The following CDON variants were observed in gnomAD, a reference collection of about 807,000 sequenced individuals.
CDON encodes cell adhesion molecule-related/down-regulated by oncogenes.
CDON carries 73 observed loss-of-function variants against 120.9 expected under a neutral mutation model. That is an observed-to-expected ratio of 0.60 (90% CI 0.50 to 0.73). CDON has a LOEUF of 0.73. Among genes scored for constraint, CDON ranks in the 30% least tolerant of loss-of-function variants. The probability of loss-of-function intolerance (pLI) is 0.00; values close to 1 mark genes in which losing one functional copy is unlikely to be tolerated. For missense variants in CDON, 1,470 were observed against 1,587.3 expected, an observed-to-expected ratio of 0.93 and a Z score of 1.26; for synonymous variants, 566 against 573.5, an observed-to-expected ratio of 0.99 and a Z score of 0.19.
At chr11:125,998,170 G>A (rs1440216975) in intron 11 of CDON, among the ~76,000 whole-genome samples, 1 of 152,182 alleles carries the variant, frequency 6.6e-6, no homozygotes, top group Non-Finnish European at 1.5e-5. Flanking sequence ...TGCAGGAGGT[G>A]AAAACATGAG....
rs1947434373 is a variant in CDON, at chr11:126,015,392, T to C, written c.1047A>G (p.Ala349=). 6.2e-7 allele frequency: 1 copy of C among 1,614,174 alleles called. No homozygotes were observed. The highest frequency in any genetic ancestry group is 1.3e-5 in the African/African-American group (1 of 75,036). Residue 349 remains alanine (A), a synonymous_variant, in exon 7 of 20, where the codon GCA becomes GCG. Transcript: ENST00000531738. ...GTCGTGCAGAAGGATGAATAGGCTG[T>C]GCATTGTGAAACCAGGTACAGTTGG... ...PAPNCTWFHN[A]QPIHPSARHL...
At chr11:126,018,843 T>C (rs554260204) in intron 4 of CDON, among the ~76,000 whole-genome samples, 1 of 152,322 alleles carries the variant, frequency 6.6e-6, no homozygotes, top group South Asian at 2.1e-4. Context: ...GTGCTGGGAT[T>C]ATAGGCGTGA....
intron 15 of CDON, among the ~76,000 whole-genome samples, chr11:125,988,220 C>T (rs1388798989): frequency 2.6e-5 from 4 of 151,816 alleles, no homozygotes; most frequent in South Asian, 2.1e-4. Context: ...TAGTAGAGGA[C>T]GTTGGGGGAA....
chr11:126,063,164 C>T (rs553618397), upstream of CDON: 2 of 151,856 alleles, frequency 1.3e-5, no homozygotes, highest in South Asian at 4.1e-4. Context: ...AGAGAGATAC[C>T]CCAGGGGAGC....
chr11:126,009,866 T>C (rs1047654420), intron 8 of CDON, among the ~76,000 whole-genome samples: 2 of 152,168 alleles, frequency 1.3e-5, no homozygotes. Flanking sequence ...CAGTAAAATA[T>C]GAAGAATTAA....
intron 16 of CDON, among the ~76,000 whole-genome samples, chr11:125,982,133 T>A (rs59891161): frequency 1.4e-5 from 2 of 140,918 alleles, no homozygotes; most frequent in African/African-American, 2.6e-5. Context: ...TGCCACCACA[T>A]CCGGCTAATT....
intron 8 of CDON, among the ~76,000 whole-genome samples, chr11:126,008,817 C>A (rs1478517402): frequency 6.6e-6 from 1 of 152,194 alleles, no homozygotes; most frequent in African/African-American, 2.4e-5. Context: ...CTACTTTCTT[C>A]ATTTAAGGAT....
In CDON at chr11:126,026,371, G is replaced by A. The variant is rs1055143475; in HGVS notation, c.-61-2834C>T. ...AGCCAGGGCTAGACACTGGACCTAC[G>A]ACTATAGAATACAACAAAATCTAAT... On this transcript the variant is annotated intron_variant, in intron 1 of 19. Coordinates refer to ENST00000531738, the MANE Select transcript of CDON (RefSeq NM_001378964.1). Among the ~76,000 whole-genome samples the A allele has an allele frequency of 4.6e-5, 7 of 152,182 alleles. No homozygotes were observed. The East Asian group carries it at 5.8e-4, about 13-fold the overall frequency.
intron 8 of CDON, 112 bp downstream of exon 8, chr11:126,010,229 A>G: frequency 1.2e-6 from 1 of 802,572 alleles, no homozygotes; most frequent in Non-Finnish European, 2.0e-6. Context: ...TGTCATCAGG[A>G]AAAAATATAG....
intron 6 of CDON, among the ~76,000 whole-genome samples, chr11:126,016,576 G>A (rs186019824): frequency 2.8e-4 from 42 of 152,126 alleles, no homozygotes; most frequent in African/African-American, 9.4e-4. Context: ...GGGATTACAA[G>A]CCTGTGCCAC....
chr11:126,029,558 AT>A, intron 1 of CDON, among the ~76,000 whole-genome samples: 1 of 21,626 alleles, frequency 4.6e-5, no homozygotes, highest in South Asian at 8.1e-4. Flanking sequence ...CATGTAACAT[AT>A]ATATATATAT....
At chr11:126,006,134 G>A (rs1378650415) in intron 8 of CDON, 77 bp from the exon 9 acceptor site, 18 of 1,311,278 alleles carry the variant, frequency 1.4e-5, no homozygotes, top group Non-Finnish European at 2.0e-5. Context: ...TGACGTGACT[G>A]CCCTCACTTG....
At chr11:125,961,634 G>A in intron 19 of CDON, 90 bp downstream of exon 19, 1 of 1,563,014 alleles carries the variant, frequency 6.4e-7, no homozygotes, top group Non-Finnish European at 8.8e-7. Flanking sequence ...AATCATAGAG[G>A]GGAAACTCTG....
At chr11:125,961,663 A>G in intron 19 of CDON, 61 bp downstream of exon 19, 1 of 1,610,910 alleles carries the variant, frequency 6.2e-7, no homozygotes, top group Non-Finnish European at 8.5e-7. Context: ...ACCTTCCCAT[A>G]CACAGCTCTT....
intron 4 of CDON, 104 bp from the exon 5 acceptor site, chr11:126,018,577 T>C: frequency 9.7e-7 from 1 of 1,033,704 alleles, no homozygotes; most frequent in East Asian, 2.4e-5. Flanking sequence ...TCCATCTTAT[T>C]TTATTTTAGA....
chr11:126,047,734 G>C (rs1417057017), intron 1 of CDON, among the ~76,000 whole-genome samples: 1 of 152,150 alleles, frequency 6.6e-6, no homozygotes, highest in Non-Finnish European at 1.5e-5. Flanking sequence ...GAATATGGTG[G>C]AGCCTGGCTT....
In CDON at chr11:126,000,787, T is replaced by C. The variant is rs968859325; in HGVS notation, c.2158+932A>G. 3.3e-5 allele frequency among the ~76,000 whole-genome samples: 5 copies of C among 152,176 alleles called. No individual in the cohort carries two copies. The East Asian group carries it at 9.6e-4, about 29-fold the overall frequency. On this transcript the variant is annotated intron_variant, in intron 11 of 19. Transcript: ENST00000531738. ...TTCAAAGTGTTATAACCTGCTTTTG[T>C]CTGACATCAATTCATGGAAAACTGT...
chr11:126,009,042 T>C (rs1327543792), intron 8 of CDON, among the ~76,000 whole-genome samples: 3 of 152,218 alleles, frequency 2.0e-5, no homozygotes, highest in Admixed American at 1.3e-4. Context: ...ACCTTCACTA[T>C]ACCTGTTACA....
At chr11:125,971,768 G>A (rs963592874) in intron 18 of CDON, among the ~76,000 whole-genome samples, 5 of 151,916 alleles carry the variant, frequency 3.3e-5, no homozygotes, top group African/African-American at 1.2e-4. Flanking sequence ...GGGTCTCTCG[G>A]TCCGTTCATC....
Sources: allele counts gnomAD v4.1 joint callset (sites outside exome capture counted in the v4.1 genomes callset), GRCh38; gene constraint gnomAD v4.1.1; transcripts MANE v1.5; gene names NCBI Gene and HGNC (gene_info 2026-07-23, HGNC 2026-07-21).